The following FBN1 variants were observed in gnomAD, a reference collection of about 807,000 sequenced individuals.
FBN1 encodes the protein fibrillin-1.
A neutral mutation model predicts 365.1 loss-of-function variants in FBN1; 29 were observed. That is an observed-to-expected ratio of 0.08 (90% CI 0.06 to 0.11). The LOEUF (loss-of-function observed/expected upper bound fraction) is 0.11. Ranked by LOEUF, FBN1 falls within the 10% of genes least tolerant of loss-of-function variation. The probability of loss-of-function intolerance (pLI) is 1.00; values close to 1 mark genes in which losing one functional copy is unlikely to be tolerated. For missense variants in FBN1, 2,476 were observed against 3,703.2 expected (o/e 0.67, Z 8.60); for synonymous variants, 1,210 against 1,270.5 (o/e 0.95, Z 1.01).
At chr15:48,553,932 T>C (rs186426794) in intron 6 of FBN1, among the ~76,000 whole-genome samples, 1 of 152,272 alleles carries the variant, frequency 6.6e-6, no homozygotes, top group Admixed American at 6.5e-5. Context: ...AAGGGAGACA[T>C]GCTGTCTCAC....
chr15:48,645,380 G>T (rs1890287457), intron 1 of FBN1, among the ~76,000 whole-genome samples, 195 bp downstream of exon 1: 1 of 152,192 alleles, frequency 6.6e-6, no homozygotes, highest in South Asian at 2.1e-4. Flanking sequence ...CTGACGCGGA[G>T]CCCGGCACCA....
chr15:48,568,720 G>T (rs976136008), intron 6 of FBN1, among the ~76,000 whole-genome samples: 1 of 152,142 alleles, frequency 6.6e-6, no homozygotes, highest in South Asian at 2.1e-4. Context: ...TTCAGCAAAA[G>T]TGTCAAGGAA....
intron 42 of FBN1, among the ~76,000 whole-genome samples, chr15:48,460,667 T>A (rs2043274130): frequency 6.6e-6 from 1 of 152,152 alleles, no homozygotes; most frequent in Non-Finnish European, 1.5e-5. Context: ...CTACTCTGCA[T>A]TTAGAGATCT....
intron 9 of FBN1, among the ~76,000 whole-genome samples, chr15:48,521,383 T>C (rs2043853606): frequency 6.6e-6 from 1 of 152,214 alleles, no homozygotes; most frequent in Non-Finnish European, 1.5e-5. Flanking sequence ...TGCTTATTAA[T>C]CAAGATTTCC....
Position 48,465,861 on chromosome 15 carries a change from AT to A in FBN1, c.4748-4del. 1 of 1,608,718 alleles carries A rather than the reference AT, an allele frequency of 6.2e-7. No individual in the cohort carries two copies. The highest frequency in any genetic ancestry group is 2.2e-5 in the East Asian group (1 of 44,820). On this transcript the variant is annotated splice_polypyrimidine_tract_variant and splice_region_variant and intron_variant, in intron 38 of 65. Transcript: ENST00000316623. ...AGGACAAAGAATTTTGTACTCGGCT[AT>A]TGAAACAAAAATTCAAATTGAGTTG...
chr15:48,474,008 G>T (rs1373162220), intron 34 of FBN1, among the ~76,000 whole-genome samples: 1 of 152,132 alleles, frequency 6.6e-6, no homozygotes, highest in Non-Finnish European at 1.5e-5. Flanking sequence ...TGTAAATGAT[G>T]TGATAATGGC....
At chr15:48,552,600 C>T (rs867352933) in intron 6 of FBN1, among the ~76,000 whole-genome samples, 3 of 152,006 alleles carry the variant, frequency 2.0e-5, no homozygotes, top group African/African-American at 4.8e-5. Context: ...GGAATCACCA[C>T]CAGCTACCAT....
chr15:48,534,837 G>A (rs1161454149), intron 7 of FBN1, among the ~76,000 whole-genome samples: 1 of 152,200 alleles, frequency 6.6e-6, no homozygotes, highest in African/African-American at 2.4e-5. Flanking sequence ...GAGTGAGTGT[G>A]TAGTTTCAGC....
rs1293095681 is a variant in FBN1, at chr15:48,488,374, A to C, written c.3202T>G (p.Cys1068Gly). 6.2e-7 allele frequency: 1 copy of C among 1,614,250 alleles called. No homozygotes were observed. The change falls in exon 26 of 66, where the codon TGC (cysteine) becomes GGC (glycine). Residue 1068 changes from cysteine to glycine, a missense_variant. Transcript: ENST00000316623. ...TTAAGGCTCATTAACTGACCTGTGC[A>C]GTTCCTTTCTTCAGAATCAAGAGCA... The part of the protein sequence containing the change: ...GFALDSEERN[C>G]TDIDECRISP...
chr15:48,642,517 GT>G (rs1890215818), intron 2 of FBN1: 1 of 151,600 alleles, frequency 6.6e-6, no homozygotes. Flanking sequence ...ACACACACAT[GT>G]GTATGTATAC....
In FBN1 at chr15:48,414,326, G is replaced by T. The variant is rs541595793; in HGVS notation, c.8051+1210C>A. Among the ~76,000 whole-genome samples the T allele has an allele frequency of 3.3e-5, 5 of 152,296 alleles. No homozygotes were observed. The South Asian group carries it at 1.0e-3, about 32-fold the overall frequency. ...TACCCAGATCCAAAATGAATCACTT[G>T]ATGTTTGTATGTCAAGAAATCAAAG... On this transcript the variant is annotated intron_variant, in intron 64 of 65. Transcript: ENST00000316623.
intron 6 of FBN1, among the ~76,000 whole-genome samples, chr15:48,595,359 G>A (rs1353017280): frequency 6.6e-6 from 1 of 152,070 alleles, no homozygotes; most frequent in African/African-American, 2.4e-5. Context: ...AGTGATTACT[G>A]CAGTTTAAAA....
chr15:48,642,571 A>C (rs1008944021), intron 2 of FBN1: 6 of 152,184 alleles, frequency 3.9e-5, no homozygotes, highest in African/African-American at 9.7e-5. Context: ...ATATGCCTAA[A>C]AGATTTATAG....
At chr15:48,618,659 G>C (rs528503004) in intron 2 of FBN1, among the ~76,000 whole-genome samples, 1 of 152,140 alleles carries the variant, frequency 6.6e-6, no homozygotes, top group East Asian at 1.9e-4. Flanking sequence ...GACCAGTAAC[G>C]GTCCATGTCC....
At chr15:48,425,926 G>C in intron 58 of FBN1, 62 bp from the exon 59 acceptor site, 2 of 1,339,398 alleles carry the variant, frequency 1.5e-6, no homozygotes. Context: ...TAATATGTAG[G>C]GGGTCACTTC....
rs760676282 is a variant in FBN1 at position 48,463,004 on chromosome 15, C to T, written c.5224+78G>A. 2.0e-4 allele frequency: 285 copies of T among 1,430,516 alleles called. 1 individual carries two copies. Among genetic ancestry groups the T allele is most frequent in the Non-Finnish European group, 2.6e-4 (259 of 1,013,960 alleles). 88.6% of individuals were successfully genotyped at this position (1,430,516 alleles called of 1,614,324 possible). On this transcript the variant is annotated intron_variant, in intron 42 of 65. Coordinates refer to ENST00000316623, the MANE Select transcript of FBN1 (RefSeq NM_000138.5). ...TAAACAATGCACACTTTGCTTCCTT[C>T]GCTAAGACTGATTTCCCCAACAATT...
rs571316260 is a variant in FBN1, at chr15:48,624,700, A to G, written c.165-11608T>C. Among the ~76,000 whole-genome samples, 6 of 152,376 alleles carry G rather than the reference A, an allele frequency of 3.9e-5. No individual in the cohort carries two copies. The South Asian group carries it at 1.2e-3, about 32-fold the overall frequency. ...TTCACCAGTGAGCTCAGGGTCTATC[A>G]AGAGCTTTTCTTTGACTGGGATATT... On this transcript the variant is annotated intron_variant, in intron 2 of 65. Coordinates refer to ENST00000316623, the MANE Select transcript of FBN1 (RefSeq NM_000138.5).
chr15:48,639,700 A>AT (rs1701265169), intron 2 of FBN1, among the ~76,000 whole-genome samples: 1 of 152,216 alleles, frequency 6.6e-6, no homozygotes. Flanking sequence ...CTAAACTATC[A>AT]TGTGCCTGAG....
At chr15:48,495,972 C>T (rs2043605173) in intron 20 of FBN1, 128 bp downstream of exon 20, 3 of 1,222,924 alleles carry the variant, frequency 2.5e-6, no homozygotes, top group Non-Finnish European at 3.6e-6. Context: ...CCATGTAGAA[C>T]CACAGAATTT....
Sources: allele counts gnomAD v4.1 joint callset (sites outside exome capture counted in the v4.1 genomes callset), GRCh38; gene constraint gnomAD v4.1.1; transcripts MANE v1.5; gene names NCBI Gene and HGNC (gene_info 2026-07-23, HGNC 2026-07-21).